L2HGDH: variants seen among roughly 807,000 people sequenced by gnomAD.
L2HGDH encodes L-2-hydroxyglutarate dehydrogenase.
Under a neutral mutation model 51.5 loss-of-function variants are expected in L2HGDH, and 34 were observed. The observed-to-expected ratio is 0.66, with a 90% CI of 0.50 to 0.88. The LOEUF (loss-of-function observed/expected upper bound fraction) is 0.88. Among genes scored for constraint, L2HGDH ranks in the 40% least tolerant of loss-of-function variants. The pLI is 0.00. For synonymous variants in L2HGDH, 198 were observed against 197.9 expected, an observed-to-expected ratio of 1.00 and a Z score of -0.01; for missense variants, 558 against 571.9, an observed-to-expected ratio of 0.98 and a Z score of 0.25.
At chr14:50,266,854 C>T (rs946248961) in intron 8 of L2HGDH, among the ~76,000 whole-genome samples, 1 of 151,940 alleles carries the variant, frequency 6.6e-6, no homozygotes, top group Non-Finnish European at 1.5e-5. Context: ...GGTAAAAGGA[C>T]CAAACAAAAT....
intron 9 of L2HGDH, among the ~76,000 whole-genome samples, chr14:50,255,397 G>A (rs375438949): frequency 3.3e-5 from 5 of 151,714 alleles, no homozygotes; most frequent in East Asian, 1.9e-4. Context: ...TAGCTGGGGC[G>A]TGGTGGCAGG....
chr14:50,290,404 T>C (rs539741880), intron 4 of L2HGDH, among the ~76,000 whole-genome samples: 62 of 152,344 alleles, frequency 4.1e-4, no homozygotes, highest in African/African-American at 1.4e-3. Context: ...CATATTCAAA[T>C]TTGATTAAAT....
In L2HGDH at chr14:50,242,670, CA is replaced by C. The variant is rs1451259046; in HGVS notation, c.*4387del. ...CATCTCGAGGCAGCTTTTGCTTTCC[CA>C]ACCATTTCACCCTGTCCTTCTACCT... On this transcript the variant is annotated 3_prime_UTR_variant, in exon 10 of 10. Transcript: ENST00000267436. 2.0e-6 allele frequency: 2 copies of C among 985,314 alleles called. No homozygotes were observed. Among genetic ancestry groups the C allele is most frequent in the African/African-American group, 3.5e-5 (2 of 57,242 alleles). The allele number at this position is 985,314 out of a possible 1,614,324, so 61.0% of individuals were successfully genotyped here. A position where few individuals can be genotyped will look rare whatever the true frequency, so the allele number is the denominator to read the frequency against.
At position 50,245,026 on chromosome 14, in the gene L2HGDH, A is replaced by G; in HGVS notation, c.*2032T>C. On this transcript the variant is annotated 3_prime_UTR_variant, in exon 10 of 10. Coordinates refer to ENST00000267436, the MANE Select transcript of L2HGDH (RefSeq NM_024884.3). ...TATAAGAATAATTTCGATAGATACC[A>G]CAAAACACATATATACAGGATATAC... The G allele has an allele frequency of 2.0e-6, 2 of 985,752 alleles. No individual in the cohort carries two copies. The highest frequency in any genetic ancestry group is 2.4e-6 in the Non-Finnish European group (2 of 829,872). 61.1% of individuals were successfully genotyped at this position (985,752 alleles called of 1,614,324 possible). A position where few individuals can be genotyped will look rare whatever the true frequency, so the allele number is the denominator to read the frequency against.
Position 50,244,459 on chromosome 14 carries a change from C to G in L2HGDH, c.*2599G>C. 6.1e-6 allele frequency: 6 copies of G among 984,960 alleles called. No individual in the cohort carries two copies. The highest frequency in any genetic ancestry group is 7.2e-6 in the Non-Finnish European group (6 of 829,494). 61.0% of individuals were successfully genotyped at this position (984,960 alleles called of 1,614,324 possible). Reference sequence around the variant, plus strand: ...ACTTAGTATGTATGCAATCGTACTACTGACAAAATACAGAATGATAATATT... The same window carrying G: ...ACTTAGTATGTATGCAATCGTACTAGTGACAAAATACAGAATGATAATATT... On this transcript the variant is annotated 3_prime_UTR_variant, in exon 10 of 10. Coordinates refer to ENST00000267436, the MANE Select transcript of L2HGDH (RefSeq NM_024884.3).
rs1595145236 is a variant in L2HGDH, at chr14:50,302,164, A to G, written c.261T>C (p.Val87=). The change falls in exon 3 of 10, where the codon GTT becomes GTC. Residue 87 remains valine, a synonymous_variant. Transcript: ENST00000267436. ...GVLEKEKDLA[V]HQTGHNSGVI... ...CACCACTGTTATGTCCAGTCTGGTG[A>G]ACAGCTACAGAACAAGAGAAACAGG... is the stretch of plus-strand genomic sequence containing the variant. The G allele has an allele frequency of 6.2e-7, 1 of 1,614,098 alleles. No homozygotes were observed. The highest frequency in any genetic ancestry group is 2.2e-5 in the East Asian group (1 of 44,874).
At chr14:50,249,882 C>CTTTTTTTT (rs747924080) in intron 9 of L2HGDH, among the ~76,000 whole-genome samples, 4 of 68,956 alleles carry the variant, frequency 5.8e-5, no homozygotes, top group South Asian at 7.5e-4. Flanking sequence ...GCTTACACTC[C>CTTTTTTTT]TTTTTTTTTT....
intron 6 of L2HGDH, among the ~76,000 whole-genome samples, chr14:50,271,552 TC>T (rs1889686578): frequency 6.6e-6 from 1 of 152,172 alleles, no homozygotes; most frequent in African/African-American, 2.4e-5. Flanking sequence ...AACAAAAATT[TC>T]TTTTAGGCTT....
In L2HGDH at chr14:50,245,764, C is replaced by CAA. The variant is rs1214971175; in HGVS notation, c.*1292_*1293dup. On this transcript the variant is annotated 3_prime_UTR_variant, in exon 10 of 10. Transcript: ENST00000267436. ...AATCTATTTTTATGCCATCTTTCTCCAAAACTCTTAAAAAGCCAAATCTTC... is the reference window on the plus strand; with the variant it reads ...AATCTATTTTTATGCCATCTTTCTCCAAAAAACTCTTAAAAAGCCAAATCTTC... 2.0e-6 allele frequency: 2 copies of CAA among 985,074 alleles called. No individual in the cohort carries two copies. The highest frequency in any genetic ancestry group is 2.4e-6 in the Non-Finnish European group (2 of 829,852). 61.0% of individuals were successfully genotyped at this position (985,074 alleles called of 1,614,324 possible).
intron 6 of L2HGDH, among the ~76,000 whole-genome samples, chr14:50,274,699 G>A (rs1167904277): frequency 6.6e-6 from 1 of 152,120 alleles, no homozygotes; most frequent in Non-Finnish European, 1.5e-5. Context: ...ATTCACAACA[G>A]CCAAGACATG....
chr14:50,302,931 A>G lies in L2HGDH; in HGVS notation c.227T>C (p.Ile76Thr), dbSNP rs201148476. 6.8e-6 allele frequency: 11 copies of G among 1,613,778 alleles called. No homozygotes were observed. The African/African-American group carries it at 1.1e-4, about 16-fold the overall frequency. The change falls in exon 2 of 10, where the codon ATT (isoleucine) becomes ACT (threonine). Residue 76 changes from isoleucine to threonine, a missense_variant. By Grantham distance (89) the Ile-to-Thr change is moderately conservative (BLOSUM62 -1). Transcript: ENST00000267436. ...ATCTTTCTCCTTTTCCAGAACACCA[A>G]TAGAAAGTGATGGATGTCGCAGGAT... ...ALILRHPSLSIGVLEKEKDLA... is the reference protein window; with the variant it reads ...ALILRHPSLSTGVLEKEKDLA...
intron 6 of L2HGDH, among the ~76,000 whole-genome samples, chr14:50,275,734 A>C (rs1889942435): frequency 6.6e-6 from 1 of 152,232 alleles, no homozygotes; most frequent in Non-Finnish European, 1.5e-5. Context: ...ATGTGCTCTA[A>C]ATCAGTGACT....
intron 8 of L2HGDH, 122 bp from the exon 9 acceptor site, chr14:50,265,611 TAC>T: frequency 1.1e-6 from 1 of 932,114 alleles, no homozygotes; most frequent in Non-Finnish European, 1.6e-6. Context: ...TCAGAAAAAC[TAC>T]AGATTAAAAG....
intron 4 of L2HGDH, among the ~76,000 whole-genome samples, chr14:50,292,129 A>G (rs1890917505): frequency 6.6e-6 from 1 of 152,218 alleles, no homozygotes; most frequent in Non-Finnish European, 1.5e-5. Context: ...CAAGACTTCC[A>G]TACTGAAAAT....
chr14:50,263,196 A>G (rs1031744954), intron 9 of L2HGDH, among the ~76,000 whole-genome samples: 1 of 152,260 alleles, frequency 6.6e-6, no homozygotes, highest in African/African-American at 2.4e-5. Flanking sequence ...TATCAATAGC[A>G]GTAATAGAAA....
chr14:50,259,349 G>GT lies in L2HGDH; in HGVS notation c.1196+6008dup, dbSNP rs1465638807. On this transcript the variant is annotated intron_variant, in intron 9 of 9. Transcript: ENST00000267436. The stretch of plus-strand genomic sequence containing the variant: ...TGTGTATTTGTTTTCTTTTCTTTCT[G>GT]TTTTTTTTCTTTTTCGGTTTTTTTT... Among the ~76,000 whole-genome samples the GT allele has an allele frequency of 2.2e-4, 26 of 117,318 alleles. 1 individual carries two copies. The highest frequency in any genetic ancestry group is 4.0e-4 in the Non-Finnish European group (23 of 57,484). The allele number at this position is 117,318 out of a possible 152,430, so 77.0% of individuals were successfully genotyped here.
chr14:50,271,735 A>G (rs2139989597), intron 6 of L2HGDH, among the ~76,000 whole-genome samples: 1 of 152,242 alleles, frequency 6.6e-6, no homozygotes. Flanking sequence ...AAAGAAGACA[A>G]AGAAATAAAC....
In L2HGDH at chr14:50,243,603, A is replaced by G; in HGVS notation, c.*3455T>C. 1 of 809,278 alleles carries G rather than the reference A, an allele frequency of 1.2e-6. No individual in the cohort carries two copies. Among genetic ancestry groups the G allele is most frequent in the Non-Finnish European group, 1.5e-6 (1 of 670,090 alleles). 50.1% of individuals were successfully genotyped at this position (809,278 alleles called of 1,614,324 possible). A position where few individuals can be genotyped will look rare whatever the true frequency, so the allele number is the denominator to read the frequency against. ...TACATATAAAACGTTTTACAAGCAG[A>G]ATAACCTACATATTCAAAACACTTT... On this transcript the variant is annotated 3_prime_UTR_variant, in exon 10 of 10. Transcript: ENST00000267436.
chr14:50,304,841 A>T (rs1180660859), intron 1 of L2HGDH, among the ~76,000 whole-genome samples: 1 of 152,182 alleles, frequency 6.6e-6, no homozygotes, highest in Non-Finnish European at 1.5e-5. Context: ...TCTCAAAAAA[A>T]AAATTTAGAA....
Sources: allele counts gnomAD v4.1 joint callset (sites outside exome capture counted in the v4.1 genomes callset), GRCh38; gene constraint gnomAD v4.1.1; transcripts MANE v1.5; gene names NCBI Gene and HGNC (gene_info 2026-07-23, HGNC 2026-07-21).